Variants in GRID2 observed in about 807,000 individuals in gnomAD.
GRID2 encodes the protein glutamate ionotropic receptor delta type subunit 2, also known as glutamate receptor ionotropic, delta-2.
Under a neutral mutation model 114.8 loss-of-function variants are expected in GRID2, and 33 were observed. The observed-to-expected ratio is 0.29, with a 90% CI of 0.22 to 0.38. The LOEUF (loss-of-function observed/expected upper bound fraction) is 0.38. GRID2 is among the 10% of genes least tolerant of loss of function. GRID2 has a pLI of 1.00. For missense variants in GRID2, 1,184 were observed against 1,257.7 expected (o/e 0.94, Z 0.89); for synonymous variants, 505 against 449.9 (o/e 1.12, Z -1.55).
chr4:92,581,850 G>A (rs1728199701), intron 1 of GRID2, among the ~76,000 whole-genome samples: 1 of 152,038 alleles, frequency 6.6e-6, no homozygotes, highest in South Asian at 2.1e-4. Context: ...AAGGATTTCT[G>A]TATAATCATT....
At chr4:92,946,496 C>A (rs1166944546) in intron 2 of GRID2, among the ~76,000 whole-genome samples, 1 of 152,028 alleles carries the variant, frequency 6.6e-6, no homozygotes, top group Non-Finnish European at 1.5e-5. Flanking sequence ...TTTCTTCCCC[C>A]CCAAAATTAT....
chr4:93,252,465 C>T (rs1260278192), intron 8 of GRID2, among the ~76,000 whole-genome samples: 1 of 150,018 alleles, frequency 6.7e-6, no homozygotes, highest in Non-Finnish European at 1.5e-5. Flanking sequence ...GTTTTTATTA[C>T]TGTAGTCCTG....
At chr4:93,553,953 T>A (rs949857594) in intron 13 of GRID2, among the ~76,000 whole-genome samples, 1 of 152,184 alleles carries the variant, frequency 6.6e-6, no homozygotes, top group Non-Finnish European at 1.5e-5. Context: ...TTATCTATCT[T>A]ATGACTTATG....
intron 8 of GRID2, among the ~76,000 whole-genome samples, chr4:93,310,755 A>G (rs988605431): frequency 6.6e-5 from 10 of 152,156 alleles, no homozygotes; most frequent in Non-Finnish European, 1.5e-4. Flanking sequence ...CAGAAATGAG[A>G]TTTTATTAAA....
At chr4:93,230,173 T>C (rs777652984) in intron 7 of GRID2, among the ~76,000 whole-genome samples, 2 of 151,282 alleles carry the variant, frequency 1.3e-5, no homozygotes, top group Non-Finnish European at 3.0e-5. Flanking sequence ...TGTGTGTGCA[T>C]GCTATCATAA....
At chr4:92,899,074 T>G (rs1747377250) in intron 2 of GRID2, among the ~76,000 whole-genome samples, 1 of 152,104 alleles carries the variant, frequency 6.6e-6, no homozygotes, top group Non-Finnish European at 1.5e-5. Context: ...AAAAGATGAT[T>G]GTTTAGATTT....
At chr4:92,914,105 G>T (rs1748598711) in intron 2 of GRID2, among the ~76,000 whole-genome samples, 1 of 151,804 alleles carries the variant, frequency 6.6e-6, no homozygotes, top group African/African-American at 2.4e-5. Context: ...ATCGATCTTT[G>T]GTTTATTTTA....
chr4:93,427,285 G>A lies in GRID2; in HGVS notation c.1545+4317G>A, dbSNP rs140674381. ...TACCCCTATAAACCAAAATTACACCGTTGAAATGGCATAAAAATGTTATGA... is the reference window on the plus strand; with the variant it reads ...TACCCCTATAAACCAAAATTACACCATTGAAATGGCATAAAAATGTTATGA... On this transcript the variant is annotated intron_variant, in intron 10 of 15. Transcript: ENST00000282020. 5.5e-4 allele frequency among the ~76,000 whole-genome samples: 84 copies of A among 151,904 alleles called. 1 individual carries two copies. The highest frequency in any genetic ancestry group is 3.3e-3 in the Admixed American group (50 of 15,266).
chr4:93,564,513 A>G (rs1328383041), intron 13 of GRID2, among the ~76,000 whole-genome samples: 1 of 152,054 alleles, frequency 6.6e-6, no homozygotes, highest in African/African-American at 2.4e-5. Context: ...AATTGACAGT[A>G]GCACTGACTT....
chr4:92,349,055 A>G (rs1194203779), intron 1 of GRID2, among the ~76,000 whole-genome samples: 3 of 151,802 alleles, frequency 2.0e-5, no homozygotes, highest in Non-Finnish European at 4.4e-5. Flanking sequence ...GAAGATGGAG[A>G]GGTTTTATTA....
intron 1 of GRID2, among the ~76,000 whole-genome samples, chr4:92,394,816 A>C (rs1486924673): frequency 6.6e-6 from 1 of 151,582 alleles, no homozygotes; most frequent in African/African-American, 2.4e-5. Flanking sequence ...AGATCTGTAT[A>C]CTTTTTTCCT....
chr4:93,185,480 C>T (rs986468380), intron 4 of GRID2, among the ~76,000 whole-genome samples: 3 of 152,130 alleles, frequency 2.0e-5, no homozygotes, highest in Non-Finnish European at 2.9e-5. Flanking sequence ...ATACACATGA[C>T]AAGGTCAGCA....
chr4:93,769,204 C>T lies in GRID2; in HGVS notation c.2361-6C>T. The T allele has an allele frequency of 1.2e-6, 2 of 1,613,696 alleles. No homozygotes were observed. The highest frequency in any genetic ancestry group is 1.3e-5 in the African/African-American group (1 of 75,032). On this transcript the variant is annotated splice_polypyrimidine_tract_variant and splice_region_variant and intron_variant, in intron 14 of 15. Coordinates refer to ENST00000282020, the MANE Select transcript of GRID2 (RefSeq NM_001510.4). ...AATAACACATGCTTATGTTCTTTAT[C>T]CCAAGGATCCTGGAGCTTCAGCAGA... is the stretch of plus-strand genomic sequence containing the variant.
intron 14 of GRID2, among the ~76,000 whole-genome samples, chr4:93,765,208 C>T (rs1413182506): frequency 1.3e-5 from 2 of 152,032 alleles, no homozygotes; most frequent in Non-Finnish European, 2.9e-5. Context: ...ATGGAATTTC[C>T]AGGAACACTA....
chr4:93,622,323 C>A (rs926496300), intron 13 of GRID2, among the ~76,000 whole-genome samples: 1 of 152,060 alleles, frequency 6.6e-6, no homozygotes, highest in Non-Finnish European at 1.5e-5. Flanking sequence ...TATATCAAGC[C>A]CCACGTATAT....
chr4:92,696,049 A>G (rs1247674235), intron 2 of GRID2, among the ~76,000 whole-genome samples: 1 of 152,170 alleles, frequency 6.6e-6, no homozygotes, highest in Non-Finnish European at 1.5e-5. Flanking sequence ...TATTAGTTCT[A>G]AGACTTGTTA....
intron 8 of GRID2, among the ~76,000 whole-genome samples, chr4:93,391,485 G>T (rs760600771): frequency 6.6e-6 from 1 of 152,078 alleles, no homozygotes; most frequent in Non-Finnish European, 1.5e-5. Flanking sequence ...TTTTGTGTCC[G>T]GCAGCTGGAG....
At chr4:93,084,386 C>A (rs1241933885) in intron 2 of GRID2, among the ~76,000 whole-genome samples, 2 of 152,034 alleles carry the variant, frequency 1.3e-5, no homozygotes, top group Admixed American at 1.3e-4. Context: ...TTTGATTTGA[C>A]CATAAGCTTT....
chr4:93,048,763 ACT>A (rs926547162), intron 2 of GRID2, among the ~76,000 whole-genome samples: 4 of 152,078 alleles, frequency 2.6e-5, no homozygotes, highest in Non-Finnish European at 5.9e-5. Context: ...TAGACTCTAT[ACT>A]TTTTGTTAAA....
Sources: gnomAD v4.1 joint callset for allele counts (sites outside exome capture counted in the v4.1 genomes callset) on GRCh38, gnomAD v4.1.1 for gene constraint, MANE v1.5 for transcripts, NCBI Gene and HGNC (gene_info 2026-07-23, HGNC 2026-07-21) for gene names.